The following RNF220 variants were observed in gnomAD, a reference collection of about 807,000 sequenced individuals.
RNF220 encodes ring finger protein 220, also known as E3 ubiquitin-protein ligase RNF220.
A neutral mutation model predicts 67.1 loss-of-function variants in RNF220; 7 were observed. The ratio of observed to expected loss-of-function variants is 0.10; its 90% CI spans 0.06 to 0.20. RNF220 has a LOEUF of 0.20. Ranked by LOEUF, RNF220 falls within the 10% of genes least tolerant of loss-of-function variation. The probability of loss-of-function intolerance (pLI) is 1.00; values close to 1 mark genes in which losing one functional copy is unlikely to be tolerated. For missense variants in RNF220, 565 were observed against 740.3 expected, an observed-to-expected ratio of 0.76 and a Z score of 2.75; for synonymous variants, 270 against 283.2, an observed-to-expected ratio of 0.95 and a Z score of 0.47.
chr1:44,509,885 C>CAAAAAAAAAA (rs57479392), intron 2 of RNF220, among the ~76,000 whole-genome samples: 6 of 106,092 alleles, frequency 5.7e-5, no homozygotes, highest in Non-Finnish European at 8.8e-5. Context: ...AGACCCTGTC[C>CAAAAAAAAAA]AAAAAAAAAA....
chr1:44,456,169 G>C (rs533478289), intron 2 of RNF220, among the ~76,000 whole-genome samples: 5 of 152,210 alleles, frequency 3.3e-5, no homozygotes, highest in Non-Finnish European at 4.4e-5. Context: ...GTCTCTGGAG[G>C]TGTTTAATTT....
Position 44,649,658 on chromosome 1 carries a change from C to T in RNF220, c.1446-3C>T. ...CTACCCAACCATGCCTTCCTTTTTA[C>T]AGAATCACCGAAGATTCAGCTGTGA... On this transcript the variant is annotated splice_region_variant and splice_polypyrimidine_tract_variant and intron_variant, in intron 12 of 14. Transcript: ENST00000361799. This position sits in a 1 kb window ranked among gnomAD's most constrained non-coding sequence, Gnocchi z 5.9. 3.1e-6 allele frequency: 5 copies of T among 1,613,816 alleles called. No homozygotes were observed. Among genetic ancestry groups the T allele is most frequent in the Middle Eastern group, 1.7e-4 (1 of 6,058 alleles).
intron 2 of RNF220, among the ~76,000 whole-genome samples, chr1:44,607,025 C>T (rs1667315518): frequency 6.6e-6 from 1 of 152,198 alleles, no homozygotes; most frequent in Non-Finnish European, 1.5e-5. Flanking sequence ...GTTCTACCAC[C>T]TAGAGGTTGC....
chr1:44,597,664 T>C, intron 2 of RNF220, among the ~76,000 whole-genome samples: 1 of 151,852 alleles, frequency 6.6e-6, no homozygotes, highest in Non-Finnish European at 1.5e-5. Flanking sequence ...CTCACGAATG[T>C]CTCCCAGATG....
rs1223015150 is a variant in RNF220, at chr1:44,417,644, C to T, written c.625+4922C>T. 6.6e-6 allele frequency among the ~76,000 whole-genome samples: 1 copy of T among 152,250 alleles called. No individual in the cohort carries two copies. Among genetic ancestry groups the T allele is most frequent in the Non-Finnish European group, 1.5e-5 (1 of 68,038 alleles). Reference sequence around the variant, plus strand: ...TCCTCCCTCCTCGCCCCGCGCCCTCCCTCCCATCAATTGTCATGCAGAAGT... The same window carrying T: ...TCCTCCCTCCTCGCCCCGCGCCCTCTCTCCCATCAATTGTCATGCAGAAGT... On this transcript the variant is annotated intron_variant, in intron 2 of 14. Coordinates refer to ENST00000361799, the MANE Select transcript of RNF220 (RefSeq NM_018150.4). The surrounding 1 kb of genome is among the most constrained non-coding windows in gnomAD (Gnocchi z 4.0).
In RNF220 at chr1:44,547,815, C is replaced by T. The variant is rs572525034; in HGVS notation, c.626-66350C>T. Among the ~76,000 whole-genome samples the T allele has an allele frequency of 5.3e-5, 8 of 152,240 alleles. No homozygotes were observed. The South Asian group carries it at 8.3e-4, about 16-fold the overall frequency. Reference sequence around the variant, plus strand: ...AACTCCCATGATAATTCACCTTCAGCGGTCATTATTTCTGTTGATGACATT... The same window carrying T: ...AACTCCCATGATAATTCACCTTCAGTGGTCATTATTTCTGTTGATGACATT... On this transcript the variant is annotated intron_variant, in intron 2 of 14. Coordinates refer to ENST00000361799, the MANE Select transcript of RNF220 (RefSeq NM_018150.4).
At chr1:44,409,755 G>A (rs1208669956) in intron 1 of RNF220, among the ~76,000 whole-genome samples, 1 of 151,968 alleles carries the variant, frequency 6.6e-6, no homozygotes, top group Non-Finnish European at 1.5e-5. Flanking sequence ...TTCTTATTTT[G>A]GGTTCTGTGT....
intron 2 of RNF220, among the ~76,000 whole-genome samples, chr1:44,498,830 G>A (rs1050152023): frequency 1.3e-5 from 2 of 152,142 alleles, no homozygotes; most frequent in South Asian, 2.1e-4. Flanking sequence ...GGTGCTGATG[G>A]TGCTGCTGTT....
chr1:44,609,804 G>A lies in RNF220; in HGVS notation c.626-4361G>A, dbSNP rs564755969. On this transcript the variant is annotated intron_variant, in intron 2 of 14. Coordinates refer to ENST00000361799, the MANE Select transcript of RNF220 (RefSeq NM_018150.4). ...GCTTACCATCAGTCACTCCCTGTTG[G>A]AGCCTCACTGTTGTCCAGCAGGAAA... 2.7e-4 allele frequency among the ~76,000 whole-genome samples: 41 copies of A among 152,332 alleles called. No homozygotes were observed. In the East Asian group the frequency reaches 7.5e-3, roughly 28 times the overall value.
chr1:44,427,358 T>C (rs535068895), intron 2 of RNF220, among the ~76,000 whole-genome samples: 1 of 152,266 alleles, frequency 6.6e-6, no homozygotes, highest in South Asian at 2.1e-4. Flanking sequence ...CATATATGTA[T>C]GTCAGGCTGT....
chr1:44,526,182 G>A (rs1366915127), intron 2 of RNF220, among the ~76,000 whole-genome samples: 1 of 152,056 alleles, frequency 6.6e-6, no homozygotes, highest in African/African-American at 2.4e-5. Context: ...GTGATGCTCC[G>A]GGGAGAAAAG....
At chr1:44,515,005 A>G (rs1379385313) in intron 2 of RNF220, among the ~76,000 whole-genome samples, 1 of 152,206 alleles carries the variant, frequency 6.6e-6, no homozygotes, top group Non-Finnish European at 1.5e-5. Flanking sequence ...GAACAAACAC[A>G]GAAAGGGAAG....
chr1:44,435,343 A>G (rs1420502382), intron 2 of RNF220, among the ~76,000 whole-genome samples: 2 of 152,366 alleles, frequency 1.3e-5, no homozygotes, highest in African/African-American at 4.8e-5. Flanking sequence ...AATGGGAATA[A>G]GATGACTCAC....
In RNF220 at chr1:44,614,250, G is replaced by A. The variant is rs1299303620; in HGVS notation, c.711G>A (p.Gln237=). ...TCCTGCTGAGGCCCAGTGAGCTGCA[G>A]GAGCATATGGAGCAGGAACTGGAGC... ...CQVLLRPSEL[Q]EHMEQELEQL... The change falls in exon 3 of 15, where the codon CAG becomes CAA. Residue 237 remains glutamine, a synonymous_variant. Transcript: ENST00000361799. 1.2e-6 allele frequency: 2 copies of A among 1,614,176 alleles called. No homozygotes were observed. Among genetic ancestry groups the A allele is most frequent in the South Asian group, 1.1e-5 (1 of 91,068 alleles).
At chr1:44,647,846 C>G (rs908206580) in intron 12 of RNF220, among the ~76,000 whole-genome samples, 1 of 152,212 alleles carries the variant, frequency 6.6e-6, no homozygotes, top group Non-Finnish European at 1.5e-5. Context: ...AGTCCACGTC[C>G]CTTATGATTC....
intron 2 of RNF220, among the ~76,000 whole-genome samples, chr1:44,413,082 A>T (rs1021367983): frequency 6.6e-6 from 1 of 151,988 alleles, no homozygotes; most frequent in African/African-American, 2.4e-5. Flanking sequence ...CTAAAGAAAC[A>T]TGTCCACCCC....
intron 2 of RNF220, among the ~76,000 whole-genome samples, chr1:44,465,096 A>G (rs531559112): frequency 1.2e-4 from 19 of 152,328 alleles, no homozygotes; most frequent in South Asian, 4.1e-4. Context: ...GAAAGAATCA[A>G]AGAAAGGAGA....
At chr1:44,464,127 G>A (rs1172513426) in intron 2 of RNF220, among the ~76,000 whole-genome samples, 1 of 152,220 alleles carries the variant, frequency 6.6e-6, no homozygotes, top group Non-Finnish European at 1.5e-5. Flanking sequence ...TCCTATGTCA[G>A]CAGCTCTTGC....
intron 2 of RNF220, among the ~76,000 whole-genome samples, chr1:44,541,474 G>C (rs1420513073): frequency 6.6e-6 from 1 of 152,228 alleles, no homozygotes; most frequent in Non-Finnish European, 1.5e-5. Context: ...GTAACTGACA[G>C]AACTGGGAAT....
Sources: allele counts gnomAD v4.1 joint callset (sites outside exome capture counted in the v4.1 genomes callset), GRCh38; gene constraint gnomAD v4.1.1; non-coding constraint Gnocchi (gnomAD v3.1); transcripts MANE v1.5; gene names NCBI Gene and HGNC (gene_info 2026-07-23, HGNC 2026-07-21).